SLC30A10: variants seen among roughly 807,000 people sequenced by gnomAD.
SLC30A10 encodes the protein calcium/manganese antiporter SLC30A10.
Under a neutral mutation model 21.7 loss-of-function variants are expected in SLC30A10, and 8 were observed. The ratio of observed to expected loss-of-function variants is 0.37; its 90% confidence interval spans 0.22 to 0.67. The LOEUF is 0.67. Among genes scored for constraint, SLC30A10 ranks in the 30% least tolerant of loss-of-function variants. The pLI, the probability that SLC30A10 is intolerant of heterozygous loss-of-function variation, is 0.58. For missense variants in SLC30A10, 521 were observed against 642.5 expected (o/e 0.81, Z 2.04); for synonymous variants, 272 against 279.4 (o/e 0.97, Z 0.26).
upstream of SLC30A10, among the ~76,000 whole-genome samples, chr1:219,931,443 A>ACACC (rs60744329): frequency 1.1e-4 from 16 of 151,662 alleles, no homozygotes; most frequent in African/African-American, 3.9e-4. Context: ...ACACACACAC[A>ACACC]GTATATATAA....
chr1:219,942,225 G>GT (rs1199230752), intron 1 of SLC30A10, among the ~76,000 whole-genome samples: 1 of 152,188 alleles, frequency 6.6e-6, no homozygotes, highest in Non-Finnish European at 1.5e-5. Flanking sequence ...ATCCAGAAAG[G>GT]TAAGTTGAAG....
At position 219,948,818 on chromosome 1, in the gene SLC30A10, A is replaced by G. The variant is rs1273904776; in HGVS notation, n.80+9750T>C. 5.3e-5 allele frequency among the ~76,000 whole-genome samples: 8 copies of G among 152,224 alleles called. No individual in the cohort carries two copies. The East Asian group carries it at 9.6e-4, about 18-fold the overall frequency. On this transcript the variant is annotated intron_variant and non_coding_transcript_variant, in intron 1 of 8. Transcript: ENST00000484239. Reference sequence around the variant, plus strand: ...CGCAAAAGAAACTACCATCAGAGTGAACAGGCAACCTACAAAATGGGAGAA... The same window carrying G: ...CGCAAAAGAAACTACCATCAGAGTGGACAGGCAACCTACAAAATGGGAGAA...
In SLC30A10 at chr1:219,912,169, G is replaced by GC. The variant is rs1659427720; in HGVS notation, c.*3279dup. Among the ~76,000 whole-genome samples the GC allele has an allele frequency of 2.5e-5, 1 of 40,466 alleles. No homozygotes were observed. The highest frequency in any genetic ancestry group is 4.5e-5 in the Non-Finnish European group (1 of 22,176). The allele number at this position is 40,466 out of a possible 152,430, so 26.5% of individuals were successfully genotyped here. A position where few individuals can be genotyped will look rare whatever the true frequency, so the allele number is the denominator to read the frequency against. Reference sequence around the variant, plus strand: ...ACCACTGGAATTTGCTCTACCAATGGCAAAAAAAAAAAAAAAAAAAAAAAA... The same window carrying GC: ...ACCACTGGAATTTGCTCTACCAATGGCCAAAAAAAAAAAAAAAAAAAAAAAA... On this transcript the variant is annotated 3_prime_UTR_variant, in exon 4 of 4. Coordinates refer to ENST00000366926, the MANE Select transcript of SLC30A10 (RefSeq NM_018713.3).
intron 1 of SLC30A10, among the ~76,000 whole-genome samples, chr1:219,953,831 C>G (rs534944545): frequency 6.6e-6 from 1 of 151,524 alleles, no homozygotes; most frequent in African/African-American, 2.4e-5. Flanking sequence ...CTCAGCCTCC[C>G]GAGTAGCTGG....
chr1:219,927,032 G>A lies in SLC30A10; in HGVS notation c.714C>T (p.Ile238=). 5 of 1,611,502 alleles carry A rather than the reference G, an allele frequency of 3.1e-6. No individual in the cohort carries two copies. Among genetic ancestry groups the A allele is most frequent in the Non-Finnish European group, 3.4e-6 (4 of 1,177,840 alleles). ...KKEKKSEALN[I]RGVLLHVMGD... ...TAGGCCCAAAGTCAATCCTACCTCTGATATTCAGAGCTTCAGACTTTTTCT... is the reference window on the plus strand; with the variant it reads ...TAGGCCCAAAGTCAATCCTACCTCTAATATTCAGAGCTTCAGACTTTTTCT... Residue 238 remains isoleucine (I), a synonymous_variant, in exon 2 of 4, where the codon ATC becomes ATT. Coordinates refer to ENST00000366926, the MANE Select transcript of SLC30A10 (RefSeq NM_018713.3).
In SLC30A10 at chr1:219,928,224, C is replaced by G. The variant is rs1156515269; in HGVS notation, c.217G>C (p.Gly73Arg). The change falls in exon 1 of 4, where the codon GGC becomes CGC. Residue 73 changes from glycine to arginine, a missense_variant. Gly to Arg is a moderately radical substitution (Grantham distance 125). Transcript: ENST00000366926. This position sits in a 1 kb window ranked among gnomAD's most constrained non-coding sequence, Gnocchi z 6.3. ...RPTRGFSATY[G>R]YARAEVVGAL... The stretch of plus-strand genomic sequence containing the variant: ...CCCACCACCTCGGCGCGGGCGTAGC[C>G]GTAGGTGGCGCTGAAGCCCCGGGTG... The G allele has an allele frequency of 1.9e-6, 3 of 1,566,438 alleles. No individual in the cohort carries two copies. Among genetic ancestry groups the G allele is most frequent in the African/African-American group, 1.4e-5 (1 of 73,926 alleles).
chr1:219,928,467 GCCGCC>G lies in SLC30A10; in HGVS notation c.-32_-28del. The G allele has an allele frequency of 6.4e-7, 1 of 1,563,394 alleles. No homozygotes were observed. Among genetic ancestry groups the G allele is most frequent in the Non-Finnish European group, 8.6e-7 (1 of 1,156,088 alleles). On this transcript the variant is annotated 5_prime_UTR_variant, in exon 1 of 4. Coordinates refer to ENST00000366926, the MANE Select transcript of SLC30A10 (RefSeq NM_018713.3). The surrounding 1 kb of genome is among the most constrained non-coding windows in gnomAD (Gnocchi z 6.3). ...TCGCCACCAGCCCCGGGCGCCCGGC[GCCGCC>G]CAGGGGAGCGCAGCCCACCCCGCGC...
chr1:219,932,376 T>G (rs572644690), upstream of SLC30A10, among the ~76,000 whole-genome samples: 24 of 152,316 alleles, frequency 1.6e-4, no homozygotes, highest in South Asian at 4.8e-3. Flanking sequence ...AATTCAGAGA[T>G]TATGACACTA....
chr1:219,956,018 T>A (rs1418894328), intron 1 of SLC30A10, among the ~76,000 whole-genome samples: 2 of 152,230 alleles, frequency 1.3e-5, no homozygotes, highest in Non-Finnish European at 2.9e-5. Context: ...CAATATTTAT[T>A]CTTTTCTTTA....
At chr1:219,954,658 G>A (rs567519596) in intron 1 of SLC30A10, among the ~76,000 whole-genome samples, 3 of 141,498 alleles carry the variant, frequency 2.1e-5, no homozygotes, top group African/African-American at 5.2e-5. Flanking sequence ...TCTAGCCTGG[G>A]CAACAGAGTG....
chr1:219,927,931 A>C lies in SLC30A10; in HGVS notation c.510T>G (p.Pro170=). ...EGCVPGAFGG[P]QGAEDPRRAA... ...CGCGCCGCGGGTCCTCCGCGCCCTG[A>C]GGCCCCCCGAAAGCGCCGGGGACAC... Residue 170 remains proline (P), a synonymous_variant, in exon 1 of 4, where the codon CCT becomes CCG. Transcript: ENST00000366926. 1 of 1,537,716 alleles carries C rather than the reference A, an allele frequency of 6.5e-7. No homozygotes were observed. The highest frequency in any genetic ancestry group is 1.2e-5 in the South Asian group (1 of 82,994).
chr1:219,927,893 G>A lies in SLC30A10; in HGVS notation c.548C>T (p.Thr183Ile). ...TACGGCCGAGTCCGAGCCTGGGGCT[G>A]TCGGGTCCGCCGCGCGCCGCGGGTC... is the stretch of plus-strand genomic sequence containing the variant. ...AEDPRRAADP[T>I]APGSDSAVTL... The change falls in exon 1 of 4, where the codon ACA becomes ATA. Residue 183 changes from threonine (T) to isoleucine (I), a missense_variant. Thr to Ile is a moderately conservative substitution (Grantham distance 89). Coordinates refer to ENST00000366926, the MANE Select transcript of SLC30A10 (RefSeq NM_018713.3). 1 of 1,540,732 alleles carries A rather than the reference G, an allele frequency of 6.5e-7. No homozygotes were observed. The highest frequency in any genetic ancestry group is 2.6e-5 in the East Asian group (1 of 39,074).
Position 219,916,065 on chromosome 1 carries a change from G to C in SLC30A10, c.959-117C>G, listed in dbSNP as rs1349987936. 3.1e-6 allele frequency: 4 copies of C among 1,288,090 alleles called. No homozygotes were observed. In the Admixed American group the frequency reaches 7.1e-5, roughly 23 times the overall value. The allele number at this position is 1,288,090 out of a possible 1,614,324, so 79.8% of individuals were successfully genotyped here. ...ACCAAAATGGCTGCCTACTTACTAC[G>C]AACAGCTGGAAGAAATTAGTTCTAC... On this transcript the variant is annotated intron_variant, in intron 3 of 3. Transcript: ENST00000366926.
rs988010689 is a variant in SLC30A10 at position 219,914,219 on chromosome 1, G to A, written c.*1230C>T. 1 of 152,166 alleles carries A rather than the reference G, an allele frequency of 6.6e-6. No homozygotes were observed. The highest frequency in any genetic ancestry group is 2.4e-5 in the African/African-American group (1 of 41,438). The allele number at this position is 152,166 out of a possible 1,614,324, so 9.4% of individuals were successfully genotyped here. A position where few individuals can be genotyped will look rare whatever the true frequency, so the allele number is the denominator to read the frequency against. ...TGTTCTGATTTAAATACTGATGTCT[G>A]AGCAATGTGTTAAAAACATGACAGA... On this transcript the variant is annotated 3_prime_UTR_variant, in exon 4 of 4. Coordinates refer to ENST00000366926, the MANE Select transcript of SLC30A10 (RefSeq NM_018713.3).
intron 1 of SLC30A10, among the ~76,000 whole-genome samples, chr1:219,938,508 C>T (rs1471329573): frequency 2.4e-4 from 36 of 152,202 alleles, no homozygotes; most frequent in Admixed American, 2.4e-3. Flanking sequence ...AATCCTGCTA[C>T]ATGAGAGAAG....
chr1:219,915,312 C>T lies in SLC30A10; in HGVS notation c.*137G>A, dbSNP rs1018756800. The T allele has an allele frequency of 2.7e-6, 3 of 1,102,406 alleles. No individual in the cohort carries two copies. The highest frequency in any genetic ancestry group is 3.9e-6 in the Non-Finnish European group (3 of 760,940). 68.3% of individuals were successfully genotyped at this position (1,102,406 alleles called of 1,614,324 possible). A position where few individuals can be genotyped will look rare whatever the true frequency, so the allele number is the denominator to read the frequency against. On this transcript the variant is annotated 3_prime_UTR_variant, in exon 4 of 4. Coordinates refer to ENST00000366926, the MANE Select transcript of SLC30A10 (RefSeq NM_018713.3). ...AGACACGTTTAACTAAAATCCCAAA[C>T]AGCCAACCCCTAGTGAACACAGAGC...
chr1:219,915,385 T>C lies in SLC30A10; in HGVS notation c.*64A>G. 1 of 1,557,604 alleles carries C rather than the reference T, an allele frequency of 6.4e-7. No homozygotes were observed. On this transcript the variant is annotated 3_prime_UTR_variant, in exon 4 of 4. Transcript: ENST00000366926. ...GGGCCTACAACCCAGAAAGCTCTTT[T>C]TGTGAGCCAAGCTTGTGGTTCCAAA...
chr1:219,934,473 A>G (rs1660020576), intron 1 of SLC30A10, among the ~76,000 whole-genome samples: 1 of 152,178 alleles, frequency 6.6e-6, no homozygotes, highest in South Asian at 2.1e-4. Flanking sequence ...CAAAAAAAAA[A>G]AAGAAGAAAA....
At chr1:219,916,416 A>C (rs1484274256) in intron 3 of SLC30A10, among the ~76,000 whole-genome samples, 1 of 152,268 alleles carries the variant, frequency 6.6e-6, no homozygotes, top group Admixed American at 6.5e-5. Flanking sequence ...AGATGGAACC[A>C]ACAAGGAAAT....
Sources: allele counts gnomAD v4.1 joint callset (sites outside exome capture counted in the v4.1 genomes callset), GRCh38; gene constraint gnomAD v4.1.1; non-coding constraint Gnocchi (gnomAD v3.1); transcripts MANE v1.5; gene names NCBI Gene and HGNC (gene_info 2026-07-23, HGNC 2026-07-21).